The following GAK variants were observed in gnomAD, a reference collection of about 807,000 sequenced individuals.
GAK encodes the protein cyclin-G-associated kinase.
Under a neutral mutation model 143.9 loss-of-function variants are expected in GAK, and 79 were observed. That is an observed-to-expected ratio of 0.55 (90% CI 0.46 to 0.66). The LOEUF (loss-of-function observed/expected upper bound fraction) is 0.66, where lower values mean the gene tolerates loss of function less well. Among genes scored for constraint, GAK ranks in the 30% least tolerant of loss-of-function variants. The pLI is 0.00. For missense variants in GAK, 1,693 were observed against 1,779.7 expected (o/e 0.95, Z 0.88); for synonymous variants, 881 against 765.5 (o/e 1.15, Z -2.49).
intron 7 of GAK, 44 bp downstream of exon 7, chr4:896,416 G>GCAC: frequency 6.5e-7 from 1 of 1,535,658 alleles, no homozygotes; most frequent in South Asian, 1.1e-5. Context: ...GTTAAGTAGG[G>GCAC]CGCACGGAGC....
chr4:920,575 G>C lies in GAK; in HGVS notation c.146-6907C>G, dbSNP rs1723769482. ...TTTTTTTTTTTTGAGACGGAGTCTTGGTCTGTTGCCCAGGCTGCGGTGCAG... is the reference window on the plus strand; with the variant it reads ...TTTTTTTTTTTTGAGACGGAGTCTTCGTCTGTTGCCCAGGCTGCGGTGCAG... On this transcript the variant is annotated intron_variant, in intron 1 of 27. Transcript: ENST00000314167. Among the ~76,000 whole-genome samples, 3 of 120,238 alleles carry C rather than the reference G, an allele frequency of 2.5e-5. No individual in the cohort carries two copies. The Admixed American group carries it at 2.8e-4, about 11-fold the overall frequency. 78.9% of individuals were successfully genotyped at this position (120,238 alleles called of 152,430 possible).
chr4:850,006 T>G lies in GAK; in HGVS notation c.3720A>C (p.Thr1240=), dbSNP rs762648905. The change falls in exon 27 of 28, where the codon ACA becomes ACC. Residue 1240 remains threonine (T), a synonymous_variant. Transcript: ENST00000314167. ...AGCGGCTCTCCCCGTCCCACAGCAC[T>G]GTGTGCAGCGTGGACAGCAGGGCCC... ...NIRALLSTLH[T]VLWDGESRWT... is the part of the protein sequence containing the mutation. 1 of 1,610,194 alleles carries G rather than the reference T, an allele frequency of 6.2e-7. No homozygotes were observed. The highest frequency in any genetic ancestry group is 2.2e-5 in the East Asian group (1 of 44,720).
Position 883,465 on chromosome 4 carries a change from T to C in GAK, c.1256-2A>G. The C allele has an allele frequency of 6.2e-7, 1 of 1,613,228 alleles. No homozygotes were observed. The highest frequency in any genetic ancestry group is 8.5e-7 in the Non-Finnish European group (1 of 1,179,942). ...CACCTTCTGCTGGGAATGACATCAC[T>C]GAAACAAGCAGACCTGCGTCAGCAC... On this transcript the variant is annotated splice_acceptor_variant, in intron 12 of 27. Coordinates refer to ENST00000314167, the MANE Select transcript of GAK (RefSeq NM_005255.4). LOFTEE classifies it high-confidence loss of function.
chr4:865,129 G>T lies in GAK; in HGVS notation c.3159C>A (p.Ala1053=). The T allele has an allele frequency of 6.2e-7, 1 of 1,609,062 alleles. No homozygotes were observed. The highest frequency in any genetic ancestry group is 8.5e-7 in the Non-Finnish European group (1 of 1,177,654). Reference sequence around the variant, plus strand: ...GGTGGGTGGTGGCCATACCTTCTGTGGCTGGCGTGGGGGCCACTGCCGATG... The same window carrying T: ...GGTGGGTGGTGGCCATACCTTCTGTTGCTGGCGTGGGGGCCACTGCCGATG... ...TAASAVAPTP[A]TEGPLFSPGG... Residue 1053 remains alanine, a synonymous_variant, in exon 23 of 28, where the codon GCC becomes GCA. Coordinates refer to ENST00000314167, the MANE Select transcript of GAK (RefSeq NM_005255.4).
intron 4 of GAK, among the ~76,000 whole-genome samples, chr4:906,855 C>T (rs1577261626): frequency 6.6e-6 from 1 of 152,184 alleles, no homozygotes; most frequent in Non-Finnish European, 1.5e-5. Context: ...ACTGGCCTCC[C>T]TTCCTCCCTG....
chr4:849,831 A>AGGTGGGGGG, intron 27 of GAK, 57 bp from the exon 28 acceptor site: 2 of 999,054 alleles, frequency 2.0e-6, no homozygotes, highest in South Asian at 1.4e-5. Flanking sequence ...CGGGCGGGGC[A>AGGTGGGGGG]GGACCCCCCC....
chr4:889,112 G>A, intron 10 of GAK, 142 bp from the exon 11 acceptor site: 2 of 1,118,258 alleles, frequency 1.8e-6, no homozygotes, highest in Non-Finnish European at 2.5e-6. Flanking sequence ...GCAGGTTGCT[G>A]GCTGGGCCCA....
At chr4:855,568 T>C (rs921318573) in intron 24 of GAK, among the ~76,000 whole-genome samples, 2 of 152,240 alleles carry the variant, frequency 1.3e-5, no homozygotes, top group Admixed American at 6.5e-5. Context: ...TGCGTGTAAC[T>C]TTGATCTCCT....
At position 851,740 on chromosome 4, in the gene GAK, G is replaced by T; in HGVS notation, c.3508+10C>A. 6.2e-7 allele frequency: 1 copy of T among 1,611,468 alleles called. No homozygotes were observed. The highest frequency in any genetic ancestry group is 1.7e-5 in the Admixed American group (1 of 60,014). On this transcript the variant is annotated intron_variant, in intron 25 of 27. Transcript: ENST00000314167. ...GCAAACTCCACAGCAACAGAGAGTG[G>T]GGGACTCACCAAAGCTGGGTGCGCG...
At chr4:925,287 C>G (rs906065760) in intron 1 of GAK, among the ~76,000 whole-genome samples, 3 of 152,082 alleles carry the variant, frequency 2.0e-5, no homozygotes, top group African/African-American at 7.2e-5. Context: ...GCCTGCAGGC[C>G]CCATGAGCAG....
chr4:874,121 C>CTGTG (rs144267254), intron 18 of GAK, among the ~76,000 whole-genome samples: 5,253 of 151,958 alleles, frequency 0.035, 178 homozygotes, highest in East Asian at 0.19. Context: ...CCCTCCTCGG[C>CTGTG]TGTGTGTGTG....
rs200172491 is a variant in GAK, at chr4:883,348, C to A, written c.1371G>T (p.Pro457=). The change falls in exon 13 of 28, where the codon CCG becomes CCT. Residue 457 remains proline, a synonymous_variant. Coordinates refer to ENST00000314167, the MANE Select transcript of GAK (RefSeq NM_005255.4). ...GGAACCTGGAGGGCCGGTAGGTCCT[C>A]GGGGACAGGTTGTAGACGGCATAGT... ...PGHYAVYNLS[P]RTYRPSRFHN... is the part of the protein sequence containing the mutation. 5 of 1,613,570 alleles carry A rather than the reference C, an allele frequency of 3.1e-6. No homozygotes were observed. In the East Asian group the frequency reaches 6.7e-5, roughly 22 times the overall value.
At position 916,876 on chromosome 4, in the gene GAK, G is replaced by A. The variant is rs537173702; in HGVS notation, c.146-3208C>T. Among the ~76,000 whole-genome samples the A allele has an allele frequency of 2.6e-5, 4 of 152,292 alleles. No individual in the cohort carries two copies. In the East Asian group the frequency reaches 7.7e-4, roughly 29 times the overall value. ...CCAAGAAAAATGAAGGCACATGTGC[G>A]TAAAGAGACTTCTACACAGCAGCTT... On this transcript the variant is annotated intron_variant, in intron 1 of 27. Coordinates refer to ENST00000314167, the MANE Select transcript of GAK (RefSeq NM_005255.4).
At chr4:910,113 G>A (rs1181358851) in intron 4 of GAK, among the ~76,000 whole-genome samples, 2 of 152,124 alleles carry the variant, frequency 1.3e-5, no homozygotes, top group South Asian at 2.1e-4. Context: ...CCAGGGGCCC[G>A]CAGGCAGTCA....
chr4:905,444 G>A (rs1468407471), intron 4 of GAK, among the ~76,000 whole-genome samples: 6 of 146,648 alleles, frequency 4.1e-5, no homozygotes, highest in African/African-American at 5.1e-5. Flanking sequence ...GCCACGCCGC[G>A]CCACGCTAGG....
chr4:898,447 G>A (rs1327868905), intron 5 of GAK, among the ~76,000 whole-genome samples: 3 of 152,262 alleles, frequency 2.0e-5, no homozygotes, highest in Non-Finnish European at 4.4e-5. Flanking sequence ...TTCAGTAAAT[G>A]AGCCTTCCTC....
intron 3 of GAK, chr4:912,487 G>A (rs1298470152): frequency 8.9e-6 from 4 of 451,702 alleles, no homozygotes; most frequent in East Asian, 3.9e-5. Context: ...GACCTCTTGG[G>A]TAGGAACAAC....
At chr4:907,095 A>G (rs1721211868) in intron 4 of GAK, among the ~76,000 whole-genome samples, 1 of 152,224 alleles carries the variant, frequency 6.6e-6, no homozygotes, top group African/African-American at 2.4e-5. Context: ...CAGAGCGTGT[A>G]GCCGACTCAA....
chr4:868,496 G>C (rs749924358), intron 20 of GAK, 43 bp downstream of exon 20: 12 of 1,589,598 alleles, frequency 7.5e-6, no homozygotes, highest in Non-Finnish European at 1.0e-5. Flanking sequence ...CCAGACCAGG[G>C]GCCTGCCCTC....
Sources: gnomAD v4.1 joint callset for allele counts (sites outside exome capture counted in the v4.1 genomes callset) on GRCh38, gnomAD v4.1.1 for gene constraint, MANE v1.5 for transcripts, NCBI Gene and HGNC (gene_info 2026-07-23, HGNC 2026-07-21) for gene names.